The following NYAP2 variants were observed in gnomAD, a reference collection of about 807,000 sequenced individuals.
NYAP2 encodes neuronal tyrosine-phosphorylated phosphoinositide-3-kinase adapter 2.
In NYAP2, 23 loss-of-function variants were observed where a neutral mutation model predicts 50.4. The observed-to-expected ratio is 0.46, with a 90% CI of 0.33 to 0.65. The LOEUF is 0.65. NYAP2 is among the 30% of genes least tolerant of loss of function. The pLI, the probability that NYAP2 is intolerant of heterozygous loss-of-function variation, is 0.02. For missense variants in NYAP2, 885 were observed against 861.0 expected (o/e 1.03, Z -0.35); for synonymous variants, 394 against 365.2 (o/e 1.08, Z -0.90).
At chr2:225,570,634 T>A (rs2106221578) in intron 4 of NYAP2, among the ~76,000 whole-genome samples, 1 of 152,240 alleles carries the variant, frequency 6.6e-6, no homozygotes, top group Admixed American at 6.5e-5. Context: ...GCCCCCAATA[T>A]TCAATTACTT....
exon 7 of NYAP2, chr2:225,653,510 G>A (rs940275940): frequency 2.0e-5 from 3 of 152,198 alleles, no homozygotes; most frequent in African/African-American, 7.2e-5. Context: ...TATGCTGTTA[G>A]TTTCCTTACC....
At chr2:225,679,123 A>G in the NYAP2 span, among the ~76,000 whole-genome samples, 2 of 152,170 alleles carry the variant, frequency 1.3e-5, no homozygotes, top group East Asian at 1.9e-4. Flanking sequence ...ATGTAGCTTA[A>G]TAAGTATGGA....
chr2:225,553,832 T>C (rs1574674846), intron 4 of NYAP2, among the ~76,000 whole-genome samples: 2 of 151,338 alleles, frequency 1.3e-5, no homozygotes, highest in South Asian at 4.2e-4. Flanking sequence ...AGGTCAGGAG[T>C]TCGACACCAG....
intron 3 of NYAP2, among the ~76,000 whole-genome samples, chr2:225,461,573 G>A (rs1197316683): frequency 1.3e-5 from 2 of 152,176 alleles, no homozygotes; most frequent in African/African-American, 4.8e-5. Context: ...TTCATCATTG[G>A]TCTTCAGATG....
At chr2:225,613,043 A>G (rs1349297543) in intron 5 of NYAP2, among the ~76,000 whole-genome samples, 1 of 152,158 alleles carries the variant, frequency 6.6e-6, no homozygotes, top group Non-Finnish European at 1.5e-5. Context: ...GAACATATGA[A>G]AGGGAATTTA....
intron 4 of NYAP2, among the ~76,000 whole-genome samples, chr2:225,534,725 G>A (rs558140459): frequency 6.6e-6 from 1 of 152,314 alleles, no homozygotes; most frequent in South Asian, 2.1e-4. Context: ...AAAGTTTACT[G>A]TAAAGAATCA....
At chr2:225,600,982 C>G (rs576421899) in intron 5 of NYAP2, among the ~76,000 whole-genome samples, 1 of 152,130 alleles carries the variant, frequency 6.6e-6, no homozygotes, top group Non-Finnish European at 1.5e-5. Flanking sequence ...TTGTTTCCAC[C>G]TCTTGGCTAT....
chr2:225,677,091 C>T, the NYAP2 span, among the ~76,000 whole-genome samples: 3 of 151,980 alleles, frequency 2.0e-5, no homozygotes, highest in Non-Finnish European at 4.4e-5. Flanking sequence ...TTTTTTTGAG[C>T]AGTGTTTTGT....
At position 225,489,055 on chromosome 2, in the gene NYAP2, A is replaced by G. The variant is rs566833815; in HGVS notation, c.222-24316A>G. ...AATGATTTCATGACTGATGATGTCA[A>G]TGGTCAACTGAAATAATAGGTTTTC... On this transcript the variant is annotated intron_variant, in intron 3 of 6. Transcript: ENST00000636099. Among the ~76,000 whole-genome samples the G allele has an allele frequency of 7.9e-5, 12 of 152,272 alleles. No homozygotes were observed. In the South Asian group the frequency reaches 2.3e-3, roughly 29 times the overall value.
chr2:225,470,981 T>G (rs1690005411), intron 3 of NYAP2, among the ~76,000 whole-genome samples: 1 of 152,122 alleles, frequency 6.6e-6, no homozygotes. Flanking sequence ...TAGATGGCAA[T>G]GTAAAAAAGA....
chr2:225,583,081 T>A (rs1429800641), intron 5 of NYAP2, 46 bp downstream of exon 5: 1 of 1,577,820 alleles, frequency 6.3e-7, no homozygotes, highest in Non-Finnish European at 8.6e-7. Context: ...AGTGCCAGGC[T>A]TACAACCAGG....
chr2:225,627,509 G>A (rs1693230592), intron 6 of NYAP2, among the ~76,000 whole-genome samples: 1 of 152,060 alleles, frequency 6.6e-6, no homozygotes, highest in East Asian at 1.9e-4. Flanking sequence ...TTGGGCAACT[G>A]ATAAAAAATG....
chr2:225,483,862 A>C (rs371195506), intron 3 of NYAP2, among the ~76,000 whole-genome samples: 2 of 152,238 alleles, frequency 1.3e-5, no homozygotes, highest in African/African-American at 4.8e-5. Context: ...TTCAAATACT[A>C]TCTGGAGTCA....
At chr2:225,578,343 G>A (rs1692204966) in intron 4 of NYAP2, among the ~76,000 whole-genome samples, 1 of 152,102 alleles carries the variant, frequency 6.6e-6, no homozygotes, top group Non-Finnish European at 1.5e-5. Context: ...AAGCAGGGAA[G>A]GGAAGAGGGA....
At chr2:225,644,385 G>A (rs1309040659) in intron 6 of NYAP2, among the ~76,000 whole-genome samples, 1 of 150,954 alleles carries the variant, frequency 6.6e-6, no homozygotes, top group Admixed American at 6.6e-5. Flanking sequence ...CTCCCATTTT[G>A]TAGGTTGCCT....
chr2:225,449,373 A>G (rs1415937898), intron 3 of NYAP2, among the ~76,000 whole-genome samples: 2 of 152,202 alleles, frequency 1.3e-5, no homozygotes, highest in Non-Finnish European at 2.9e-5. Context: ...ATAATGTGAT[A>G]GATATGAAGT....
chr2:225,621,582 G>A (rs2106254198), intron 5 of NYAP2, among the ~76,000 whole-genome samples: 1 of 152,136 alleles, frequency 6.6e-6, no homozygotes, highest in Non-Finnish European at 1.5e-5. Context: ...CTTTACACTA[G>A]TGAACTATGC....
chr2:225,604,852 T>C (rs1305838097), intron 5 of NYAP2, among the ~76,000 whole-genome samples: 2 of 152,140 alleles, frequency 1.3e-5, no homozygotes, highest in Admixed American at 1.3e-4. Context: ...ATACATTCAG[T>C]GCTATGGCCA....
chr2:225,680,976 T>C, the NYAP2 span, among the ~76,000 whole-genome samples: 1 of 152,230 alleles, frequency 6.6e-6, no homozygotes, highest in African/African-American at 2.4e-5. Flanking sequence ...AGTAGTCCAA[T>C]AGCAATATAT....
Sources: allele counts gnomAD v4.1 joint callset (sites outside exome capture counted in the v4.1 genomes callset), GRCh38; gene constraint gnomAD v4.1.1; transcripts MANE v1.5; gene names NCBI Gene and HGNC (gene_info 2026-07-23, HGNC 2026-07-21).